The following PTPN18 variants were observed in gnomAD, a reference collection of about 807,000 sequenced individuals.
The protein encoded by PTPN18 is tyrosine-protein phosphatase non-receptor type 18.
PTPN18 carries 65 observed loss-of-function variants against 65.4 expected under a neutral mutation model. That is an observed-to-expected ratio of 0.99 (90% CI 0.81 to 1.22). The LOEUF (loss-of-function observed/expected upper bound fraction) is 1.22, where lower values mean the gene tolerates loss of function less well. PTPN18 is among the 50% of genes most tolerant of loss of function. PTPN18 has a pLI of 0.00. For missense variants in PTPN18, 616 were observed against 646.5 expected (o/e 0.95, Z 0.51); for synonymous variants, 255 against 267.8 (o/e 0.95, Z 0.47).
Position 130,374,335 on chromosome 2 carries a change from ATTT to A in PTPN18, c.*1123_*1125del. 3.3e-5 allele frequency: 7 copies of A among 210,118 alleles called. No individual in the cohort carries two copies. Among genetic ancestry groups the A allele is most frequent in the South Asian group, 2.6e-4 (4 of 15,482 alleles). 13.0% of individuals were successfully genotyped at this position (210,118 alleles called of 1,614,324 possible). A position where few individuals can be genotyped will look rare whatever the true frequency, so the allele number is the denominator to read the frequency against. On this transcript the variant is annotated 3_prime_UTR_variant, in exon 15 of 15. Transcript: ENST00000175756. ...CCGAGTAGCTGGGACTACAGGTCTA[ATTT>A]TTTTTTTTTTTAAGAAATGAGTTTT...
Position 130,360,701 on chromosome 2 carries a change from GTATT to G in PTPN18, c.414+1059_414+1062del, listed in dbSNP as rs1457115721. On this transcript the variant is annotated intron_variant, in intron 5 of 14. Coordinates refer to ENST00000175756, the MANE Select transcript of PTPN18 (RefSeq NM_014369.4). ...AATTATATGGCCTGTAAATTCTAAA[GTATT>G]TATCTGACCCTTTATAAAAATGTCA... is the stretch of plus-strand genomic sequence containing the variant. Among the ~76,000 whole-genome samples the G allele has an allele frequency of 7.2e-5, 11 of 152,198 alleles. No homozygotes were observed. In the East Asian group the frequency reaches 2.1e-3, roughly 29 times the overall value.
At chr2:130,360,854 CAG>C (rs1680170437) in intron 5 of PTPN18, among the ~76,000 whole-genome samples, 3 of 148,680 alleles carry the variant, frequency 2.0e-5, no homozygotes, top group African/African-American at 7.5e-5. Context: ...TTTTTTGAGA[CAG>C]AGTCTTGCTC....
intron 5 of PTPN18, among the ~76,000 whole-genome samples, chr2:130,363,934 C>G (rs1680306506): frequency 6.6e-6 from 1 of 150,452 alleles, no homozygotes. Context: ...CTCCCTGATG[C>G]TTGTTACTGT....
At position 130,370,579 on chromosome 2, in the gene PTPN18, G is replaced by T; in HGVS notation, c.712G>T (p.Val238Phe). 3 of 1,614,106 alleles carry T rather than the reference G, an allele frequency of 1.9e-6. No individual in the cohort carries two copies. The highest frequency in any genetic ancestry group is 2.5e-6 in the Non-Finnish European group (3 of 1,180,024). The change falls in exon 9 of 15, where the codon GTC becomes TTC. Residue 238 changes from valine to phenylalanine, a missense_variant. Coordinates refer to ENST00000175756, the MANE Select transcript of PTPN18 (RefSeq NM_014369.4). ...HCSAGCGRTG[V>F]LCTVDYVRQL... ...CAGTGCGGGTTGTGGGCGAACAGGC[G>T]TCCTGTGCACCGTGGATTATGTGAG... is the stretch of plus-strand genomic sequence containing the variant.
chr2:130,369,697 A>C, intron 6 of PTPN18, 68 bp from the exon 7 acceptor site: 1 of 1,446,784 alleles, frequency 6.9e-7, no homozygotes, highest in Non-Finnish European at 9.6e-7. Context: ...GCTTTCTATA[A>C]ATGTCTTCTG....
At chr2:130,372,566 C>G in intron 13 of PTPN18, 83 bp downstream of exon 13, 1 of 1,390,838 alleles carries the variant, frequency 7.2e-7, no homozygotes, top group Non-Finnish European at 9.4e-7. Context: ...TCCGTCAGGC[C>G]CTGGCGGCCG....
chr2:130,366,842 A>G (rs1423593069), intron 5 of PTPN18, among the ~76,000 whole-genome samples: 1 of 151,794 alleles, frequency 6.6e-6, no homozygotes, highest in Non-Finnish European at 1.5e-5. Context: ...TATTTATTTA[A>G]GAGATAGGGT....
intron 4 of PTPN18, 31 bp downstream of exon 4, chr2:130,359,523 G>A: frequency 1.2e-6 from 2 of 1,613,232 alleles, no homozygotes; most frequent in Non-Finnish European, 1.7e-6. Flanking sequence ...CACAATGGTG[G>A]GGTCAACATC....
chr2:130,356,679 G>A (rs1200350199), intron 1 of PTPN18: 1 of 461,330 alleles, frequency 2.2e-6, no homozygotes, highest in Admixed American at 2.4e-5. Flanking sequence ...GCTCGAATCC[G>A]CGTCCGGGCC....
intron 1 of PTPN18, chr2:130,356,769 G>A (rs1679988018): frequency 2.6e-6 from 1 of 390,982 alleles, no homozygotes; most frequent in Admixed American, 3.1e-5. Context: ...CTCTGACCTC[G>A]GCTTCTCCCT....
chr2:130,356,268 G>T, intron 1 of PTPN18, 68 bp downstream of exon 1: 1 of 1,152,656 alleles, frequency 8.7e-7, no homozygotes, highest in Non-Finnish European at 1.1e-6. Flanking sequence ...TGTCCTCCGC[G>T]CACGGCGGGC....
chr2:130,356,667 G>T (rs181457770), intron 1 of PTPN18: 5 of 464,114 alleles, frequency 1.1e-5, no homozygotes, highest in African/African-American at 8.0e-5. Context: ...TGTGAACGCC[G>T]GGCTCGAATC....
chr2:130,370,440 G>T (rs1198446133), intron 8 of PTPN18, 117 bp from the exon 9 acceptor site: 2 of 1,267,384 alleles, frequency 1.6e-6, no homozygotes, highest in East Asian at 2.3e-5. Context: ...TGAAGATTCT[G>T]GGAATCAAGA....
chr2:130,370,968 C>A lies in PTPN18; in HGVS notation c.924+4C>A. ...CCACTACCAGAACATCAAAGAGGTACAGAGGCTCCTTTCCCACTCTCCTGT... is the reference window on the plus strand; with the variant it reads ...CCACTACCAGAACATCAAAGAGGTAAAGAGGCTCCTTTCCCACTCTCCTGT... On this transcript the variant is annotated splice_donor_region_variant and intron_variant, in intron 11 of 14. Transcript: ENST00000175756. 1 of 1,613,072 alleles carries A rather than the reference C, an allele frequency of 6.2e-7. No individual in the cohort carries two copies. Among genetic ancestry groups the A allele is most frequent in the Non-Finnish European group, 8.5e-7 (1 of 1,179,174 alleles).
At chr2:130,364,960 A>T (rs1680335903) in intron 5 of PTPN18, among the ~76,000 whole-genome samples, 1 of 152,216 alleles carries the variant, frequency 6.6e-6, no homozygotes, top group Admixed American at 6.5e-5. Context: ...TTACGTTCCC[A>T]TCAGCAGAGA....
At chr2:130,358,090 G>A (rs1680051501) in intron 1 of PTPN18, among the ~76,000 whole-genome samples, 1 of 152,180 alleles carries the variant, frequency 6.6e-6, no homozygotes, top group Admixed American at 6.5e-5. Flanking sequence ...GCGGAAGGCT[G>A]GGTGGCGAGG....
At chr2:130,361,768 A>G (rs1680223925) in intron 5 of PTPN18, among the ~76,000 whole-genome samples, 1 of 151,920 alleles carries the variant, frequency 6.6e-6, no homozygotes, top group Admixed American at 6.6e-5. Context: ...TTGTATTTTT[A>G]GTAGAGATGG....
chr2:130,359,026 C>A, intron 2 of PTPN18, 51 bp downstream of exon 2: 1 of 1,572,248 alleles, frequency 6.4e-7, no homozygotes, highest in Non-Finnish European at 8.7e-7. Context: ...CGCCCTGCCA[C>A]GTCCAGGCGT....
chr2:130,359,437 C>A lies in PTPN18; in HGVS notation c.320C>A (p.Pro107His). 1 of 1,614,182 alleles carries A rather than the reference C, an allele frequency of 6.2e-7. No homozygotes were observed. Among genetic ancestry groups the A allele is most frequent in the Non-Finnish European group, 8.5e-7 (1 of 1,180,030 alleles). ...GSLAYIATQG[P>H]LPHTLLDFWR... ...CTGGCCTACATTGCCACGCAAGGAC[C>A]CTTGCCTCACACCCTGCTAGACTTC... Residue 107 changes from proline (P) to histidine (H), a missense_variant, in exon 4 of 15, where the codon CCC becomes CAC. Around this residue, in one of 3 missense-constraint regions of PTPN18, gnomAD observed 223 missense variants for 210.0 expected, o/e 1.06. Coordinates refer to ENST00000175756, the MANE Select transcript of PTPN18 (RefSeq NM_014369.4).
Sources: gnomAD v4.1 joint callset for allele counts (sites outside exome capture counted in the v4.1 genomes callset) on GRCh38, gnomAD v4.1.1 for gene constraint, gnomAD v4.1.1 regional missense constraint, MANE v1.5 for transcripts, NCBI Gene and HGNC (gene_info 2026-07-23, HGNC 2026-07-21) for gene names.